BANP: variants seen among roughly 807,000 people sequenced by gnomAD.
BANP encodes the protein BTG3 associated nuclear protein.
Under a neutral mutation model 68.1 loss-of-function variants are expected in BANP, and 11 were observed. The ratio of observed to expected loss-of-function variants is 0.16; its 90% CI spans 0.10 to 0.27. BANP has a LOEUF of 0.27. Among genes scored for constraint, BANP ranks in the 10% least tolerant of loss-of-function variants. BANP has a pLI of 1.00. For synonymous variants in BANP, 329 were observed against 303.2 expected (o/e 1.09, Z -0.88); for missense variants, 504 against 722.7 (o/e 0.70, Z 3.47).
At chr16:87,972,131 G>C (rs11641608) in intron 1 of BANP, among the ~76,000 whole-genome samples, 53,020 of 151,692 alleles carry the variant, frequency 0.35, 10,544 homozygotes, top group Non-Finnish European at 0.47. Context: ...ACATATGTTG[G>C]GTCTTCTTTT....
intron 9 of BANP, among the ~76,000 whole-genome samples, chr16:88,034,548 A>G (rs1473715728): frequency 6.6e-6 from 1 of 152,042 alleles, no homozygotes; most frequent in Non-Finnish European, 1.5e-5. Context: ...TGATTTGAAA[A>G]ACGTTGCCTG....
At chr16:88,011,184 C>T (rs1389715910) in intron 6 of BANP, among the ~76,000 whole-genome samples, 1 of 152,124 alleles carries the variant, frequency 6.6e-6, no homozygotes, top group Non-Finnish European at 1.5e-5. Context: ...GTTGAGTTTC[C>T]GGATACACAG....
At chr16:88,043,051 CTG>C (rs1367198987) in intron 11 of BANP, among the ~76,000 whole-genome samples, 3 of 152,236 alleles carry the variant, frequency 2.0e-5, no homozygotes, top group African/African-American at 7.2e-5. Context: ...ATTCAGGTCA[CTG>C]TGGGAGCTGC....
intron 4 of BANP, among the ~76,000 whole-genome samples, chr16:87,998,344 T>C (rs531648845): frequency 3.2e-4 from 49 of 152,378 alleles, no homozygotes; most frequent in African/African-American, 1.1e-3. Flanking sequence ...AGGGGGACTT[T>C]GGCCTCAGAC....
At chr16:87,966,795 T>G (rs1179440520) in intron 1 of BANP, 1 of 152,300 alleles carries the variant, frequency 6.6e-6, no homozygotes, top group Non-Finnish European at 1.5e-5. Flanking sequence ...GTCCTTGGGT[T>G]TAGTCTGGCT....
Position 88,035,526 on chromosome 16 carries a change from T to A in BANP, c.1272+132T>A, listed in dbSNP as rs943701801. 1.7e-5 allele frequency: 14 copies of A among 805,616 alleles called. No individual in the cohort carries two copies. In the African/African-American group the frequency reaches 2.4e-4, roughly 14 times the overall value. 49.9% of individuals were successfully genotyped at this position (805,616 alleles called of 1,614,324 possible). A position where few individuals can be genotyped will look rare whatever the true frequency, so the allele number is the denominator to read the frequency against. ...GGAACGTGGGCAAGGGCTGCAGGAC[T>A]CCGCTTCCAGGGTGCACATAGCGGG... is the stretch of plus-strand genomic sequence containing the variant. On this transcript the variant is annotated intron_variant, in intron 10 of 13. Coordinates refer to ENST00000682872, the MANE Select transcript of BANP (RefSeq NM_001386991.1).
chr16:87,950,307 C>T (rs1448643271), upstream of BANP: 1 of 152,158 alleles, frequency 6.6e-6, no homozygotes. Flanking sequence ...GCAAGGTAAT[C>T]CTAGATTAGC....
In BANP at chr16:88,072,190, G is replaced by C; in HGVS notation, c.1499G>C (p.Ser500Thr). The C allele has an allele frequency of 6.2e-7, 1 of 1,610,780 alleles. No individual in the cohort carries two copies. Among genetic ancestry groups the C allele is most frequent in the Non-Finnish European group, 8.5e-7 (1 of 1,179,576 alleles). Residue 500 changes from serine to threonine, a missense_variant, in exon 13 of 14, where the codon AGT becomes ACT. This residue lies in a region of BANP where 223 missense variants were observed against 246.2 expected (regional missense o/e 0.91). Coordinates refer to ENST00000682872, the MANE Select transcript of BANP (RefSeq NM_001386991.1). ...QVQYVQLAPV[S>T]DHTAGAQTAE... ...CAGTACGTGCAGCTGGCGCCAGTGA[G>C]TGACCACACGGCCGGGGCACAGGTG...
intron 1 of BANP, among the ~76,000 whole-genome samples, chr16:87,951,797 G>A (rs1254902040): frequency 6.6e-6 from 1 of 151,906 alleles, no homozygotes; most frequent in African/African-American, 2.4e-5. Context: ...CCGGCCCGGG[G>A]GCCTCGCGCT....
chr16:87,997,804 G>C (rs2152524773), intron 4 of BANP, among the ~76,000 whole-genome samples: 1 of 152,398 alleles, frequency 6.6e-6, no homozygotes, highest in Non-Finnish European at 1.5e-5. Context: ...AGTACTCCTT[G>C]AGCTCAGCAG....
intron 11 of BANP, among the ~76,000 whole-genome samples, chr16:88,044,029 G>A (rs952289608): frequency 6.6e-6 from 1 of 152,176 alleles, no homozygotes; most frequent in Admixed American, 6.5e-5. Flanking sequence ...AGACCAGTTG[G>A]CCACTTCAGG....
chr16:88,035,273 T>G (rs1244033172), intron 9 of BANP, 50 bp from the exon 10 acceptor site: 1 of 1,484,774 alleles, frequency 6.7e-7, no homozygotes, highest in East Asian at 2.4e-5. Flanking sequence ...TCTTGTTTCC[T>G]TTGCTTTTGA....
At position 88,066,089 on chromosome 16, in the gene BANP, G is replaced by A. The variant is rs375134742; in HGVS notation, c.1377+757G>A. Among the ~76,000 whole-genome samples the A allele has an allele frequency of 3.9e-5, 6 of 152,312 alleles. No homozygotes were observed. The South Asian group carries it at 1.0e-3, about 26-fold the overall frequency. On this transcript the variant is annotated intron_variant, in intron 12 of 13. Coordinates refer to ENST00000682872, the MANE Select transcript of BANP (RefSeq NM_001386991.1). ...CTGCGGCAGGTGCAGGGCGAGCTGT[G>A]CCCATGCGAGGCGGCCTCAGGGCAG...
chr16:87,984,732 A>G (rs1471371607), intron 4 of BANP, among the ~76,000 whole-genome samples: 2 of 152,208 alleles, frequency 1.3e-5, no homozygotes, highest in Non-Finnish European at 2.9e-5. Flanking sequence ...GTAGTTTGCA[A>G]ACTGTTTGAG....
At chr16:88,010,092 T>C (rs1311513725) in intron 6 of BANP, among the ~76,000 whole-genome samples, 1 of 152,164 alleles carries the variant, frequency 6.6e-6, no homozygotes, top group African/African-American at 2.4e-5. Flanking sequence ...TTGTCAGTAG[T>C]TTTGGTCTTG....
rs139629360 is a variant in BANP, at chr16:88,002,853, C to T, written c.363-1442C>T. Among the ~76,000 whole-genome samples the T allele has an allele frequency of 5.9e-5, 9 of 152,338 alleles. No homozygotes were observed. The highest frequency in any genetic ancestry group is 3.4e-3 in the Middle Eastern group (1 of 294). ...ATAGTCATTAGGGGACTGTTGGCTT[C>T]TCAGCAGCACCGTCCTTCTTCAGTT... On this transcript the variant is annotated intron_variant, in intron 4 of 13. Coordinates refer to ENST00000682872, the MANE Select transcript of BANP (RefSeq NM_001386991.1). This position sits in a 1 kb window ranked among gnomAD's most constrained non-coding sequence, Gnocchi z 4.6.
Position 88,003,089 on chromosome 16 carries a change from G to A in BANP, c.363-1206G>A, listed in dbSNP as rs906368626. Among the ~76,000 whole-genome samples the A allele has an allele frequency of 1.3e-5, 2 of 152,200 alleles. No homozygotes were observed. The highest frequency in any genetic ancestry group is 2.4e-5 in the African/African-American group (1 of 41,448). On this transcript the variant is annotated intron_variant, in intron 4 of 13. Coordinates refer to ENST00000682872, the MANE Select transcript of BANP (RefSeq NM_001386991.1). The surrounding 1 kb of genome is among the most constrained non-coding windows in gnomAD (Gnocchi z 6.1). ...AGCATAGGACTGTCACAGCCTGTAG[G>A]TGACTGTGGTGACCAAGCCAAAAGC... is the stretch of plus-strand genomic sequence containing the variant.
At chr16:88,074,803 G>A (rs557421539) in intron 13 of BANP, among the ~76,000 whole-genome samples, 7 of 152,128 alleles carry the variant, frequency 4.6e-5, no homozygotes, top group Non-Finnish European at 8.8e-5. Context: ...AGCTGTGGCC[G>A]GGCTCGCAGG....
chr16:87,954,285 G>C (rs919036950), intron 1 of BANP, among the ~76,000 whole-genome samples: 1 of 152,078 alleles, frequency 6.6e-6, no homozygotes, highest in African/African-American at 2.4e-5. Flanking sequence ...TTTCATAGTA[G>C]CTTATTGTTA....
Sources: allele counts gnomAD v4.1 joint callset (sites outside exome capture counted in the v4.1 genomes callset), GRCh38; gene constraint gnomAD v4.1.1; regional missense constraint gnomAD v4.1.1; non-coding constraint Gnocchi (gnomAD v3.1); transcripts MANE v1.5; gene names NCBI Gene and HGNC (gene_info 2026-07-23, HGNC 2026-07-21).